RBMS1: variants seen among roughly 807,000 people sequenced by gnomAD.
RBMS1 encodes the protein RNA-binding motif, single-stranded-interacting protein 1.
RBMS1 carries 17 observed loss-of-function variants against 62.3 expected under a neutral mutation model. The ratio of observed to expected loss-of-function variants is 0.27; its 90% CI spans 0.19 to 0.41. The LOEUF (loss-of-function observed/expected upper bound fraction) is 0.41. Among genes scored for constraint, RBMS1 ranks in the 10% least tolerant of loss-of-function variants. RBMS1 has a pLI of 1.00. For missense variants in RBMS1, 334 were observed against 504.5 expected, an observed-to-expected ratio of 0.66 and a Z score of 3.24; for synonymous variants, 172 against 170.0, an observed-to-expected ratio of 1.01 and a Z score of -0.09.
chr2:160,484,190 G>A (rs1038593423), intron 1 of RBMS1, among the ~76,000 whole-genome samples: 3 of 151,980 alleles, frequency 2.0e-5, no homozygotes, highest in African/African-American at 7.3e-5. Flanking sequence ...GTAAACATTT[G>A]AGGCTAATAA....
At chr2:160,489,663 G>A (rs185099936) in intron 1 of RBMS1, among the ~76,000 whole-genome samples, 1 of 152,116 alleles carries the variant, frequency 6.6e-6, no homozygotes, top group Admixed American at 6.5e-5. Context: ...TGTGTCATAA[G>A]CGTATGTAAA....
intron 2 of RBMS1, among the ~76,000 whole-genome samples, chr2:160,320,064 A>T (rs934040594): frequency 2.6e-5 from 4 of 152,234 alleles, no homozygotes; most frequent in Non-Finnish European, 5.9e-5. Context: ...AGAAAAAAAT[A>T]AGTGATCTAA....
At chr2:160,360,083 T>C (rs1165568866) in intron 2 of RBMS1, among the ~76,000 whole-genome samples, 2 of 152,100 alleles carry the variant, frequency 1.3e-5, no homozygotes, top group Non-Finnish European at 2.9e-5. Context: ...AGACTCTGTC[T>C]CAAAAAATAA....
At chr2:160,430,783 G>C (rs1418783431) in intron 1 of RBMS1, among the ~76,000 whole-genome samples, 1 of 152,140 alleles carries the variant, frequency 6.6e-6, no homozygotes, top group African/African-American at 2.4e-5. Context: ...AGCACTGACA[G>C]CTTCAAGTGG....
Position 160,273,443 on chromosome 2 carries a change from G to A in RBMS1, c.*1329C>T, listed in dbSNP as rs1397880778. The stretch of plus-strand genomic sequence containing the variant: ...TGGAGCTACTGGTTACTGGCTCTTC[G>A]GTCTTTGGTGAAGTTACCTTTAAAA... On this transcript the variant is annotated 3_prime_UTR_variant, in exon 14 of 14. Coordinates refer to ENST00000348849, the MANE Select transcript of RBMS1 (RefSeq NM_016836.4). The A allele has an allele frequency of 6.6e-6, 1 of 152,054 alleles. No individual in the cohort carries two copies. Among genetic ancestry groups the A allele is most frequent in the African/African-American group, 2.4e-5 (1 of 41,384 alleles). The allele number at this position is 152,054 out of a possible 1,614,324, so 9.4% of individuals were successfully genotyped here.
intron 2 of RBMS1, among the ~76,000 whole-genome samples, chr2:160,339,793 G>A (rs1691770931): frequency 6.6e-6 from 1 of 152,086 alleles, no homozygotes; most frequent in African/African-American, 2.4e-5. Flanking sequence ...AAGCTACTGT[G>A]AGTAAACACA....
chr2:160,480,275 T>C lies in RBMS1; in HGVS notation c.75+13014A>G, dbSNP rs957029139. Among the ~76,000 whole-genome samples, 3 of 151,202 alleles carry C rather than the reference T, an allele frequency of 2.0e-5. No individual in the cohort carries two copies. The East Asian group carries it at 5.8e-4, about 29-fold the overall frequency. On this transcript the variant is annotated intron_variant, in intron 1 of 13. Transcript: ENST00000348849. ...TCAAATAAACAAAGAGAATAAAGAG[T>C]ATAAAGGGGAAATACAGTTATATTT...
chr2:160,373,656 C>T (rs890591286), intron 1 of RBMS1, among the ~76,000 whole-genome samples: 11 of 152,058 alleles, frequency 7.2e-5, no homozygotes, highest in African/African-American at 2.7e-4. Context: ...ATGAAGATAC[C>T]AGACTGAAGA....
rs1559606623 is a variant in RBMS1 at position 160,482,415 on chromosome 2, TAAATA to T, written c.75+10869_75+10873del. ...TAAAATTTGTGCACTATATAAGTTTTAAATAAACAAATAAAATTATTCCACTGCAC... is the reference window on the plus strand; with the variant it reads ...TAAAATTTGTGCACTATATAAGTTTTAACAAATAAAATTATTCCACTGCAC... On this transcript the variant is annotated intron_variant, in intron 1 of 13. Transcript: ENST00000348849. Among the ~76,000 whole-genome samples the T allele has an allele frequency of 9.4e-5, 13 of 139,034 alleles. No homozygotes were observed. In the South Asian group the frequency reaches 2.6e-3, roughly 28 times the overall value. 91.2% of individuals were successfully genotyped at this position (139,034 alleles called of 152,430 possible).
intron 1 of RBMS1, among the ~76,000 whole-genome samples, chr2:160,445,100 C>T (rs1683588791): frequency 6.6e-6 from 1 of 152,166 alleles, no homozygotes; most frequent in African/African-American, 2.4e-5. Context: ...TTTTACTCCA[C>T]CTATAATTTC....
chr2:160,327,665 C>T (rs1691024258), intron 2 of RBMS1, among the ~76,000 whole-genome samples: 1 of 152,142 alleles, frequency 6.6e-6, no homozygotes, highest in Non-Finnish European at 1.5e-5. Context: ...AGTCACTGTA[C>T]TACAGCACTT....
intron 2 of RBMS1, among the ~76,000 whole-genome samples, chr2:160,327,793 T>C (rs2105980089): frequency 6.6e-6 from 1 of 152,318 alleles, no homozygotes; most frequent in South Asian, 2.1e-4. Context: ...ATGTATATTA[T>C]CTATCATAAA....
At chr2:160,417,876 C>T (rs540300953) in intron 1 of RBMS1, among the ~76,000 whole-genome samples, 4 of 152,218 alleles carry the variant, frequency 2.6e-5, no homozygotes, top group East Asian at 3.9e-4. Flanking sequence ...GACTCATATG[C>T]TCAGTTTTTC....
At chr2:160,311,872 AG>A (rs1456458257) in intron 4 of RBMS1, among the ~76,000 whole-genome samples, 2 of 152,236 alleles carry the variant, frequency 1.3e-5, no homozygotes, top group Non-Finnish European at 1.5e-5. Flanking sequence ...TGTAGTCAGT[AG>A]GTATTATGAT....
At chr2:160,383,454 G>T (rs67030308) in intron 1 of RBMS1, among the ~76,000 whole-genome samples, 3,937 of 19,904 alleles carry the variant, frequency 0.2, 129 homozygotes, top group Middle Eastern at 0.32. Context: ...GACATGAATT[G>T]GGGGGGGGGG....
intron 1 of RBMS1, among the ~76,000 whole-genome samples, chr2:160,461,715 T>C (rs1684472808): frequency 6.6e-6 from 1 of 152,210 alleles, no homozygotes; most frequent in African/African-American, 2.4e-5. Context: ...CTTTCACTGC[T>C]CTGTACTCCA....
chr2:160,425,955 T>C (rs1003433850), intron 1 of RBMS1, among the ~76,000 whole-genome samples: 2 of 152,118 alleles, frequency 1.3e-5, no homozygotes, highest in African/African-American at 4.8e-5. Context: ...ACTAATAAAA[T>C]TGTGCAAGAA....
At chr2:160,447,989 T>C (rs1026747630) in intron 1 of RBMS1, among the ~76,000 whole-genome samples, 1 of 152,170 alleles carries the variant, frequency 6.6e-6, no homozygotes, top group Non-Finnish European at 1.5e-5. Flanking sequence ...CTGAAAAATA[T>C]TGTTATAAAT....
chr2:160,465,888 A>ACACACACACT lies in RBMS1; in HGVS notation c.75+27400_75+27401insAGTGTGTGTG, dbSNP rs569580064. On this transcript the variant is annotated intron_variant, in intron 1 of 13. Transcript: ENST00000348849. ...CATACACACACACACACACACACAC[A>ACACACACACT]CTCTCACATTTCTAGAATTTCAATC... 4.1e-3 allele frequency among the ~76,000 whole-genome samples: 589 copies of ACACACACACT among 145,372 alleles called. 5 individuals carry two copies. The highest frequency in any genetic ancestry group is 0.019 in the South Asian group (87 of 4,624).
Sources: gnomAD v4.1 joint callset for allele counts (sites outside exome capture counted in the v4.1 genomes callset) on GRCh38, gnomAD v4.1.1 for gene constraint, MANE v1.5 for transcripts, NCBI Gene and HGNC (gene_info 2026-07-23, HGNC 2026-07-21) for gene names.